PTPRD: variants seen among roughly 807,000 people sequenced by gnomAD.
PTPRD encodes receptor-type tyrosine-protein phosphatase delta.
In PTPRD, 34 loss-of-function variants were observed where a neutral mutation model predicts 214.5. The observed-to-expected ratio is 0.16, with a 90% confidence interval of 0.12 to 0.21. PTPRD has a LOEUF of 0.21. Ranked by LOEUF, PTPRD falls within the 10% of genes least tolerant of loss-of-function variation. The probability of loss-of-function intolerance (pLI) is 1.00; values close to 1 mark genes in which losing one functional copy is unlikely to be tolerated. For missense variants in PTPRD, 2,545 were observed against 2,398.7 expected, an observed-to-expected ratio of 1.06 and a Z score of -1.27; for synonymous variants, 1,128 against 845.7, an observed-to-expected ratio of 1.33 and a Z score of -5.79.
intron 4 of PTPRD, among the ~76,000 whole-genome samples, chr9:9,980,114 A>C (rs1370981773): frequency 6.6e-6 from 1 of 152,176 alleles, no homozygotes; most frequent in East Asian, 1.9e-4. Flanking sequence ...ATTGGAAAAA[A>C]TCAATATTTC....
chr9:8,382,477 A>G (rs2085417731), intron 37 of PTPRD, among the ~76,000 whole-genome samples: 1 of 152,190 alleles, frequency 6.6e-6, no homozygotes, highest in South Asian at 2.1e-4. Flanking sequence ...ACTGGCTTTA[A>G]GAGGAATGCT....
chr9:9,074,882 A>G (rs1036423970), intron 10 of PTPRD, among the ~76,000 whole-genome samples: 1 of 151,652 alleles, frequency 6.6e-6, no homozygotes, highest in East Asian at 1.9e-4. Flanking sequence ...AGAAATTACA[A>G]TTTAGTTTGG....
At chr9:9,135,063 A>C (rs1048127278) in intron 10 of PTPRD, among the ~76,000 whole-genome samples, 3 of 152,170 alleles carry the variant, frequency 2.0e-5, no homozygotes, top group African/African-American at 7.2e-5. Context: ...ATTTGAGATC[A>C]CATGTCTATG....
chr9:8,795,640 C>A (rs369104387), intron 11 of PTPRD, among the ~76,000 whole-genome samples: 2 of 134,692 alleles, frequency 1.5e-5, no homozygotes, highest in African/African-American at 2.5e-5. Flanking sequence ...ATCACTATCT[C>A]AGTAATATTT....
intron 2 of PTPRD, among the ~76,000 whole-genome samples, chr9:10,486,374 G>T (rs190732531): frequency 1.1e-4 from 17 of 152,140 alleles, no homozygotes; most frequent in Admixed American, 1.0e-3. Context: ...ATAAGGAAGG[G>T]GTCCAATTTC....
rs1299785391 is a variant in PTPRD at position 10,438,016 on chromosome 9, T to TATATAATATATATATA, written c.-599-97000_-599-96999insTATATATATATTATAT. Among the ~76,000 whole-genome samples, 10 of 140,654 alleles carry TATATAATATATATATA rather than the reference T, an allele frequency of 7.1e-5. 2 individuals are homozygous for TATATAATATATATATA. Among genetic ancestry groups the TATATAATATATATATA allele is most frequent in the African/African-American group, 2.8e-4 (9 of 32,318 alleles). 92.3% of individuals were successfully genotyped at this position (140,654 alleles called of 152,430 possible). On this transcript the variant is annotated intron_variant, in intron 2 of 45. Transcript: ENST00000381196. ...TCAGCTCCCTAAGTCTACATATATA[T>TATATAATATATATATA]ATATATATATATAGTGAAGGGTCAT...
intron 21 of PTPRD, among the ~76,000 whole-genome samples, chr9:8,516,220 CT>C (rs1193227771): frequency 6.6e-6 from 1 of 152,076 alleles, no homozygotes; most frequent in Non-Finnish European, 1.5e-5. Context: ...CAATGAGAAG[CT>C]TTTTTGGTAA....
Position 8,697,540 on chromosome 9 carries a change from A to G in PTPRD, c.64+36240T>C, listed in dbSNP as rs571612105. On this transcript the variant is annotated intron_variant, in intron 12 of 45. Transcript: ENST00000381196. ...CAGGTTCAAGCAATGCTCCTGCCTC[A>G]GCCTCCTGAGTAGCTGGACTTACAG... Among the ~76,000 whole-genome samples, 4 of 147,658 alleles carry G rather than the reference A, an allele frequency of 2.7e-5. No homozygotes were observed. In the South Asian group the frequency reaches 6.4e-4, roughly 24 times the overall value.
intron 11 of PTPRD, among the ~76,000 whole-genome samples, chr9:8,818,601 T>G (rs555476265): frequency 6.6e-6 from 1 of 152,174 alleles, no homozygotes; most frequent in Non-Finnish European, 1.5e-5. Context: ...AAAAGCCACA[T>G]AGTCAAAAAG....
intron 12 of PTPRD, among the ~76,000 whole-genome samples, chr9:8,707,274 G>C (rs2098229830): frequency 6.6e-6 from 1 of 152,214 alleles, no homozygotes; most frequent in South Asian, 2.1e-4. Flanking sequence ...ACAGAAGGTT[G>C]TGAAAGGATG....
At chr9:9,302,364 A>T (rs1208055274) in intron 9 of PTPRD, among the ~76,000 whole-genome samples, 2 of 151,930 alleles carry the variant, frequency 1.3e-5, no homozygotes, top group African/African-American at 4.8e-5. Context: ...TGTTATTGAT[A>T]GGCAGCTCTC....
chr9:10,594,634 A>G (rs1467125716), intron 2 of PTPRD, among the ~76,000 whole-genome samples: 1 of 151,984 alleles, frequency 6.6e-6, no homozygotes, highest in Non-Finnish European at 1.5e-5. Context: ...ATGGCTTACA[A>G]TCTTCCAAGA....
chr9:8,338,865 G>GAGAGAGAGAGAGAGAGAGAGAGAGA, intron 43 of PTPRD, 57 bp downstream of exon 43: 1 of 1,505,918 alleles, frequency 6.6e-7, no homozygotes, highest in Non-Finnish European at 9.0e-7. Flanking sequence ...GAGAGAGAGA[G>GAGAGAGAGAGAGAGAGAGAGAGAGA]GTATCTTAGA....
At chr9:8,946,774 A>T (rs2099067281) in intron 11 of PTPRD, among the ~76,000 whole-genome samples, 1 of 152,102 alleles carries the variant, frequency 6.6e-6, no homozygotes, top group Non-Finnish European at 1.5e-5. Flanking sequence ...GGGTCTTCTC[A>T]TCCCTGTCTC....
chr9:10,360,557 A>G (rs1353812786), intron 2 of PTPRD, among the ~76,000 whole-genome samples: 1 of 152,242 alleles, frequency 6.6e-6, no homozygotes, highest in Admixed American at 6.5e-5. Context: ...GTGAGAAAGA[A>G]GTCACGACAT....
chr9:10,108,231 T>A (rs932078033), intron 3 of PTPRD, among the ~76,000 whole-genome samples: 2 of 152,138 alleles, frequency 1.3e-5, no homozygotes, highest in Admixed American at 6.6e-5. Flanking sequence ...GTAGACAGCA[T>A]GATGTCTCGA....
intron 11 of PTPRD, among the ~76,000 whole-genome samples, chr9:8,947,856 G>A (rs370737711): frequency 7.2e-5 from 11 of 152,198 alleles, no homozygotes; most frequent in East Asian, 3.9e-4. Flanking sequence ...AAATGTGCCA[G>A]ACACTATTTT....
In PTPRD at chr9:9,285,372, T is replaced by A. The variant is rs117177862; in HGVS notation, c.-202-102009A>T. Among the ~76,000 whole-genome samples the A allele has an allele frequency of 4.9e-3, 741 of 151,952 alleles. 6 individuals are homozygous for A. The Middle Eastern group carries it at 0.051, about 10-fold the overall frequency. ...CTCTTCCTCTGACTTCTCTTCAGTC[T>A]ATAAAGAATGATAAAGACTCATCTA... On this transcript the variant is annotated intron_variant, in intron 9 of 45. Coordinates refer to ENST00000381196, the MANE Select transcript of PTPRD (RefSeq NM_002839.4).
chr9:9,156,421 C>T (rs2099881244), intron 10 of PTPRD, among the ~76,000 whole-genome samples: 1 of 150,970 alleles, frequency 6.6e-6, no homozygotes. Flanking sequence ...ACTTGCTCAC[C>T]TTTTTATAAA....
Sources: allele counts gnomAD v4.1 joint callset (sites outside exome capture counted in the v4.1 genomes callset), GRCh38; gene constraint gnomAD v4.1.1; transcripts MANE v1.5; gene names NCBI Gene and HGNC (gene_info 2026-07-23, HGNC 2026-07-21).